Variants in COMT observed in about 807,000 individuals in gnomAD.
COMT encodes the protein catechol-O-methyltransferase.
COMT carries 13 observed loss-of-function variants against 18.9 expected under a neutral mutation model. The observed-to-expected ratio is 0.69, with a 90% CI of 0.45 to 1.09. The LOEUF (loss-of-function observed/expected upper bound fraction) is 1.09, where lower values mean the gene tolerates loss of function less well. Among genes scored for constraint, COMT ranks in the 50% least tolerant of loss-of-function variants. The probability of loss-of-function intolerance (pLI) is 0.00; values close to 1 mark genes in which losing one functional copy is unlikely to be tolerated. For missense variants in COMT, 329 were observed against 361.8 expected (o/e 0.91, Z 0.73); for synonymous variants, 150 against 160.9 (o/e 0.93, Z 0.51).
chr22:19,962,316 A>C (rs1601526486), intron 2 of COMT: 1 of 758,190 alleles, frequency 1.3e-6, no homozygotes, highest in Non-Finnish European at 2.1e-6. Flanking sequence ...AGAGGCACAC[A>C]CCTGCTCTGT....
At chr22:19,965,137 G>A (rs1942320783) in intron 5 of COMT, 1 of 156,368 alleles carries the variant, frequency 6.4e-6, no homozygotes, top group Non-Finnish European at 1.4e-5. Context: ...AGAAGCCTGA[G>A]GTGTGAAAGG....
rs750888068 is a variant in COMT, at chr22:19,968,655, A to G, written c.735A>G (p.Gln245=). The change falls in exon 6 of 6, where the codon CAA becomes CAG. Residue 245 remains glutamine (Q), a synonymous_variant. Coordinates refer to ENST00000361682, the MANE Select transcript of COMT (RefSeq NM_000754.4). ...GSSCFECTHY[Q]SFLEYREVVD... ...GCTGCTTTGAGTGCACACACTACCA[A>G]TCGTTCCTGGAATACAGGGAGGTGG... 19 of 1,613,922 alleles carry G rather than the reference A, an allele frequency of 1.2e-5. No homozygotes were observed. Among genetic ancestry groups the G allele is most frequent in the Non-Finnish European group, 1.4e-5 (17 of 1,179,994 alleles).
chr22:19,959,672 A>G (rs1942147360), intron 1 of COMT, among the ~76,000 whole-genome samples: 1 of 136,090 alleles, frequency 7.3e-6, no homozygotes, highest in African/African-American at 3.5e-5. Context: ...AGGGAATCCC[A>G]GCGCTCTTCT....
chr22:19,958,722 CAAAAAAA>C (rs361549), intron 1 of COMT, among the ~76,000 whole-genome samples: 6 of 87,246 alleles, frequency 6.9e-5, no homozygotes, highest in African/African-American at 2.8e-4. Flanking sequence ...CCATCTCTAC[CAAAAAAA>C]AAAAAAAAAA....
intron 1 of COMT, among the ~76,000 whole-genome samples, chr22:19,947,522 CG>C (rs1409673195): frequency 6.6e-6 from 1 of 152,156 alleles, no homozygotes; most frequent in Non-Finnish European, 1.5e-5. Context: ...GTCCACTGGA[CG>C]GGGGCCCTTC....
At chr22:19,944,616 A>G (rs1941806282) in intron 1 of COMT, among the ~76,000 whole-genome samples, 1 of 152,154 alleles carries the variant, frequency 6.6e-6, no homozygotes, top group Admixed American at 6.5e-5. Context: ...CGAGGTCAGG[A>G]GATCGAGACC....
intron 1 of COMT, among the ~76,000 whole-genome samples, chr22:19,953,387 C>T (rs151296620): frequency 2.5e-4 from 38 of 152,196 alleles, no homozygotes; most frequent in African/African-American, 8.4e-4. Context: ...TCCACCTCCA[C>T]GGTTCAAGCG....
chr22:19,961,271 G>C lies in COMT; in HGVS notation c.-19G>C, dbSNP rs528992419. The stretch of plus-strand genomic sequence containing the variant: ...TCCCGCAGCCAGAGGGCTGGAGCCT[G>C]CTCAGAGGTGCTTTGAAGGTGAGTT... On this transcript the variant is annotated 5_prime_UTR_variant, in exon 2 of 6. Transcript: ENST00000361682. The C allele has an allele frequency of 1.3e-5, 2 of 152,556 alleles. No individual in the cohort carries two copies. The highest frequency in any genetic ancestry group is 4.1e-4 in the South Asian group (2 of 4,834). 9.5% of individuals were successfully genotyped at this position (152,556 alleles called of 1,614,324 possible). A position where few individuals can be genotyped will look rare whatever the true frequency, so the allele number is the denominator to read the frequency against.
intron 5 of COMT, chr22:19,967,391 A>G: frequency 4.5e-6 from 2 of 447,786 alleles, no homozygotes; most frequent in Non-Finnish European, 4.3e-6. Flanking sequence ...CATTGCTAGG[A>G]CATTTTTTTT....
chr22:19,967,365 A>C, intron 5 of COMT: 1 of 510,226 alleles, frequency 2.0e-6, no homozygotes, highest in Non-Finnish European at 3.8e-6. Flanking sequence ...GCTTTGTTCT[A>C]CGTCTTTTCA....
At chr22:19,952,499 G>C (rs1245222225) in intron 1 of COMT, among the ~76,000 whole-genome samples, 1 of 152,026 alleles carries the variant, frequency 6.6e-6, no homozygotes, top group Non-Finnish European at 1.5e-5. Flanking sequence ...AGTTAGCCGG[G>C]CGTGGTGGCG....
Position 19,945,539 on chromosome 22 carries a change from A to G in COMT, c.-92+3642A>G, listed in dbSNP as rs1941822653. Among the ~76,000 whole-genome samples the G allele has an allele frequency of 6.6e-5, 10 of 151,726 alleles. No homozygotes were observed. In the Admixed American group the frequency reaches 6.6e-4, roughly 10 times the overall value. ...TGCCATGAAAATAGAATACTCAATA[A>G]TAGTTTCTGATTTTTGGAGGGGTCA... On this transcript the variant is annotated intron_variant, in intron 1 of 5. Transcript: ENST00000361682.
At chr22:19,967,036 G>A in intron 5 of COMT, 4 of 1,205,104 alleles carry the variant, frequency 3.3e-6, no homozygotes, top group Non-Finnish European at 4.2e-6. Context: ...CGGGCGACAG[G>A]CAGGACAGGT....
At chr22:19,950,205 ACT>A (rs959965686) in intron 1 of COMT, among the ~76,000 whole-genome samples, 2 of 105,802 alleles carry the variant, frequency 1.9e-5, no homozygotes, top group Non-Finnish European at 4.2e-5. Context: ...TTTTTTTTTT[ACT>A]CTATTTTATA....
rs374989482 is a variant in COMT, at chr22:19,945,901, G to A, written c.-92+4004G>A. 1.8e-3 allele frequency among the ~76,000 whole-genome samples: 268 copies of A among 152,258 alleles called. 1 individual carries two copies. Among genetic ancestry groups the A allele is most frequent in the East Asian group, 0.016 (82 of 5,174 alleles). On this transcript the variant is annotated intron_variant, in intron 1 of 5. Transcript: ENST00000361682. ...AGGATGGTCTCGCTCTCCAGACCTC[G>A]TGATCCACCCGCCTCGGCCTCCCAA...
At chr22:19,954,038 G>T (rs994618567) in intron 1 of COMT, among the ~76,000 whole-genome samples, 2 of 152,174 alleles carry the variant, frequency 1.3e-5, no homozygotes, top group African/African-American at 2.4e-5. Context: ...GGCCCAGCTG[G>T]CCCCCTGGGG....
Position 19,962,935 on chromosome 22 carries a change from G to A in COMT, c.289+120G>A, listed in dbSNP as rs1041874603. ...CAGGGGGCTGGGAACCCTGGGATAT[G>A]CCCAGATAGGGCTGGGGGGCTCCTC... On this transcript the variant is annotated intron_variant, in intron 3 of 5. Coordinates refer to ENST00000361682, the MANE Select transcript of COMT (RefSeq NM_000754.4). The A allele has an allele frequency of 4.6e-6, 6 of 1,303,498 alleles. No homozygotes were observed. In the African/African-American group the frequency reaches 7.4e-5, roughly 16 times the overall value. The allele number at this position is 1,303,498 out of a possible 1,614,324, so 80.7% of individuals were successfully genotyped here. A position where few individuals can be genotyped will look rare whatever the true frequency, so the allele number is the denominator to read the frequency against.
chr22:19,951,037 A>G (rs529201063), intron 1 of COMT: 1 of 152,298 alleles, frequency 6.6e-6, no homozygotes, highest in African/African-American at 2.4e-5. Context: ...AGGAAGAAGA[A>G]CTTCCAGCCC....
chr22:19,941,933 CG>C, intron 1 of COMT, 36 bp downstream of exon 1: 1 of 974,192 alleles, frequency 1.0e-6, no homozygotes, highest in South Asian at 2.4e-5. Flanking sequence ...CGAATGCGGC[CG>C]GATTCGGGGC....
Sources: gnomAD v4.1 joint callset for allele counts (sites outside exome capture counted in the v4.1 genomes callset) on GRCh38, gnomAD v4.1.1 for gene constraint, MANE v1.5 for transcripts, NCBI Gene and HGNC (gene_info 2026-07-23, HGNC 2026-07-21) for gene names.